TESK2: variants seen among roughly 807,000 people sequenced by gnomAD.
TESK2 encodes the protein testis associated actin remodelling kinase 2.
A neutral mutation model predicts 57.1 loss-of-function variants in TESK2; 39 were observed. That is an observed-to-expected ratio of 0.68 (90% CI 0.53 to 0.89). The LOEUF (loss-of-function observed/expected upper bound fraction) is 0.89, where lower values mean the gene tolerates loss of function less well. TESK2 is among the 40% of genes least tolerant of loss of function. TESK2 has a pLI of 0.00. For missense variants in TESK2, 646 were observed against 732.1 expected (o/e 0.88, Z 1.36); for synonymous variants, 249 against 267.9 (o/e 0.93, Z 0.69).
intron 6 of TESK2, 93 bp from the exon 7 acceptor site, chr1:45,347,786 C>G (rs767144692): frequency 6.7e-7 from 1 of 1,488,878 alleles, no homozygotes; most frequent in South Asian, 1.1e-5. Context: ...TGGGTACAGA[C>G]GAGGACTAAA....
intron 4 of TESK2, among the ~76,000 whole-genome samples, chr1:45,360,187 C>T (rs1305879396): frequency 6.6e-6 from 1 of 152,236 alleles, no homozygotes; most frequent in East Asian, 1.9e-4. Flanking sequence ...TGAATCTGCC[C>T]AAGATTCACA....
At chr1:45,374,524 G>C (rs1648328563) in intron 4 of TESK2, among the ~76,000 whole-genome samples, 1 of 152,016 alleles carries the variant, frequency 6.6e-6, no homozygotes, top group Admixed American at 6.6e-5. Flanking sequence ...GAAAAAAAAA[G>C]CTTAGCAGAC....
chr1:45,403,153 C>T (rs1404984784), intron 3 of TESK2, among the ~76,000 whole-genome samples: 1 of 149,044 alleles, frequency 6.7e-6, no homozygotes, highest in Admixed American at 6.7e-5. Context: ...GTGTGGGGCA[C>T]GCCTGTGGTC....
At chr1:45,390,729 C>T (rs1056684469) in intron 3 of TESK2, among the ~76,000 whole-genome samples, 1 of 150,538 alleles carries the variant, frequency 6.6e-6, no homozygotes, top group Non-Finnish European at 1.5e-5. Context: ...GTGTGCACCA[C>T]CACGCCTGGC....
chr1:45,344,064 A>T lies in TESK2; in HGVS notation c.*776T>A, dbSNP rs908878567. On this transcript the variant is annotated 3_prime_UTR_variant, in exon 11 of 11. Coordinates refer to ENST00000372086, the MANE Select transcript of TESK2 (RefSeq NM_007170.3). Reference sequence around the variant, plus strand: ...TCCAGCCATGGCAGGAAGGGAAGCAAATCAGTCCCTGTATAAACCATTTAA... The same window carrying T: ...TCCAGCCATGGCAGGAAGGGAAGCATATCAGTCCCTGTATAAACCATTTAA... The T allele has an allele frequency of 1.7e-5, 4 of 237,506 alleles. No homozygotes were observed. Among genetic ancestry groups the T allele is most frequent in the Admixed American group, 1.5e-4 (3 of 19,720 alleles). 14.7% of individuals were successfully genotyped at this position (237,506 alleles called of 1,614,324 possible).
chr1:45,359,827 G>A (rs900161487), intron 4 of TESK2, among the ~76,000 whole-genome samples: 2 of 152,112 alleles, frequency 1.3e-5, no homozygotes, highest in African/African-American at 4.8e-5. Context: ...TCATATCACT[G>A]CACTCCAGCC....
At chr1:45,485,965 A>G (rs1286287640) in intron 1 of TESK2, among the ~76,000 whole-genome samples, 1 of 152,154 alleles carries the variant, frequency 6.6e-6, no homozygotes, top group Non-Finnish European at 1.5e-5. Context: ...TATAGTTAAT[A>G]ACAACAGAGT....
intron 3 of TESK2, among the ~76,000 whole-genome samples, chr1:45,406,212 C>T (rs559522518): frequency 1.3e-5 from 2 of 152,258 alleles, no homozygotes; most frequent in South Asian, 4.2e-4. Flanking sequence ...ACATGGACAA[C>T]AGAGCAAGAT....
intron 3 of TESK2, among the ~76,000 whole-genome samples, chr1:45,393,567 C>T (rs1383330083): frequency 6.6e-6 from 1 of 151,968 alleles, no homozygotes; most frequent in Non-Finnish European, 1.5e-5. Flanking sequence ...ATGGTGAAAC[C>T]CCATCTCTAC....
chr1:45,482,851 G>T (rs1038406206), intron 1 of TESK2, among the ~76,000 whole-genome samples: 1 of 151,252 alleles, frequency 6.6e-6, no homozygotes. Flanking sequence ...GTGGTGGCAG[G>T]CCCCTGTAAT....
chr1:45,423,161 A>G (rs1441621693), intron 2 of TESK2, among the ~76,000 whole-genome samples: 1 of 152,178 alleles, frequency 6.6e-6, no homozygotes, highest in Non-Finnish European at 1.5e-5. Flanking sequence ...TGGCATTCTA[A>G]GTGTGCAAAA....
chr1:45,391,835 T>C (rs897686653), intron 3 of TESK2, among the ~76,000 whole-genome samples: 4 of 152,202 alleles, frequency 2.6e-5, no homozygotes, highest in African/African-American at 9.6e-5. Context: ...TTAAGTTAAG[T>C]GGTCTGGATC....
At chr1:45,412,174 C>T (rs1227157631) in intron 3 of TESK2, among the ~76,000 whole-genome samples, 1 of 152,096 alleles carries the variant, frequency 6.6e-6, no homozygotes, top group Admixed American at 6.5e-5. Context: ...CAATGTGAGC[C>T]ACAAAAAGTT....
intron 3 of TESK2, among the ~76,000 whole-genome samples, chr1:45,414,397 C>T (rs928394757): frequency 6.6e-6 from 1 of 152,064 alleles, no homozygotes; most frequent in Non-Finnish European, 1.5e-5. Context: ...GTTCCTGTGC[C>T]AGAGGCTTTA....
chr1:45,406,570 G>A (rs1489389087), intron 3 of TESK2, among the ~76,000 whole-genome samples: 3 of 151,982 alleles, frequency 2.0e-5, no homozygotes, highest in African/African-American at 4.8e-5. Context: ...CAGGAGGATC[G>A]TTTGAGCCCA....
chr1:45,387,550 A>G (rs932139278), intron 3 of TESK2, among the ~76,000 whole-genome samples: 1 of 152,118 alleles, frequency 6.6e-6, no homozygotes, highest in African/African-American at 2.4e-5. Context: ...AGAAAGGATC[A>G]TAAAATTTCC....
intron 3 of TESK2, chr1:45,415,442 T>A (rs1184775360): frequency 1.5e-6 from 1 of 646,576 alleles, no homozygotes; most frequent in Non-Finnish European, 2.7e-6. Flanking sequence ...TCCCATAATC[T>A]TTGTGCTTTC....
intron 1 of TESK2, among the ~76,000 whole-genome samples, chr1:45,479,500 C>T (rs1004592961): frequency 1.3e-5 from 2 of 151,480 alleles, no homozygotes; most frequent in South Asian, 2.1e-4. Flanking sequence ...GGCTCAATCT[C>T]GACTCACTGC....
At position 45,434,592 on chromosome 1, in the gene TESK2, T is replaced by C. The variant is rs527802434; in HGVS notation, c.223-12746A>G. On this transcript the variant is annotated intron_variant, in intron 2 of 10. Coordinates refer to ENST00000372086, the MANE Select transcript of TESK2 (RefSeq NM_007170.3). ...AAATTTTTTATGATGTTGAGCATTT[T>C]TCGTATACCTGTTGACCATTCCTAT... 3.7e-4 allele frequency among the ~76,000 whole-genome samples: 56 copies of C among 152,284 alleles called. No homozygotes were observed. In the South Asian group the frequency reaches 0.011, roughly 31 times the overall value.
Sources: gnomAD v4.1 joint callset for allele counts (sites outside exome capture counted in the v4.1 genomes callset) on GRCh38, gnomAD v4.1.1 for gene constraint, MANE v1.5 for transcripts, NCBI Gene and HGNC (gene_info 2026-07-23, HGNC 2026-07-21) for gene names.